The following THBS4 variants were observed in gnomAD, a reference collection of about 807,000 sequenced individuals.
THBS4 encodes the protein thrombospondin-4.
THBS4 carries 90 observed loss-of-function variants against 115.7 expected under a neutral mutation model. That is an observed-to-expected ratio of 0.78 (90% confidence interval 0.66 to 0.93). The LOEUF (loss-of-function observed/expected upper bound fraction) is 0.93. Among genes scored for constraint, THBS4 ranks in the 40% least tolerant of loss-of-function variants. THBS4 has a pLI of 0.00. For synonymous variants in THBS4, 460 were observed against 479.3 expected (o/e 0.96, Z 0.53); for missense variants, 1,087 against 1,232.7 (o/e 0.88, Z 1.77).
chr5:80,040,681 G>T (rs977607732), intron 2 of THBS4, among the ~76,000 whole-genome samples: 1 of 152,246 alleles, frequency 6.6e-6, no homozygotes, highest in Non-Finnish European at 1.5e-5. Flanking sequence ...GTTCTAGACA[G>T]TGGTAAGTCT....
intron 2 of THBS4, among the ~76,000 whole-genome samples, chr5:80,013,366 C>T (rs1446490594): frequency 1.3e-5 from 2 of 151,442 alleles, no homozygotes; most frequent in African/African-American, 4.9e-5. Flanking sequence ...CTCGAACTCC[C>T]GACCTCAGGT....
intron 2 of THBS4, among the ~76,000 whole-genome samples, chr5:80,022,595 C>T (rs1314372467): frequency 6.6e-6 from 1 of 152,174 alleles, no homozygotes; most frequent in East Asian, 1.9e-4. Context: ...GTTGTCTCAA[C>T]ACAAAAAGGT....
intron 2 of THBS4, among the ~76,000 whole-genome samples, chr5:80,020,094 T>C (rs1016935107): frequency 6.6e-6 from 1 of 152,256 alleles, no homozygotes; most frequent in Non-Finnish European, 1.5e-5. Context: ...AGTTGGATTC[T>C]AGAGCGAATG....
chr5:80,040,432 A>G (rs971605303), intron 2 of THBS4, 152 bp downstream of exon 2: 4 of 302,340 alleles, frequency 1.3e-5, no homozygotes, highest in Admixed American at 1.1e-4. Context: ...CTTACTGTAC[A>G]TTTACCTATA....
chr5:80,000,592 A>C (rs1196105769), intron 2 of THBS4, among the ~76,000 whole-genome samples: 2 of 152,168 alleles, frequency 1.3e-5, no homozygotes, highest in Non-Finnish European at 2.9e-5. Context: ...TGGGACAGTA[A>C]GGCTGTCATG....
intron 17 of THBS4, 114 bp downstream of exon 17, chr5:80,078,341 C>A: frequency 1.1e-6 from 1 of 882,786 alleles, no homozygotes; most frequent in Non-Finnish European, 1.6e-6. Context: ...TCTTCACATT[C>A]GCTCTTATTC....
At chr5:80,033,145 GA>G, upstream of THBS4, 1 of 363,224 alleles carries the variant, frequency 2.8e-6, no homozygotes, top group South Asian at 2.6e-5. Context: ...GTCATAAAAA[GA>G]AAAACTGGCA....
chr5:79,995,144 T>G (rs1477595710), intron 1 of THBS4, among the ~76,000 whole-genome samples: 4 of 152,200 alleles, frequency 2.6e-5, no homozygotes, highest in Admixed American at 2.6e-4. Flanking sequence ...GAACCAGAAT[T>G]GGAAGGCATG....
At chr5:80,079,336 T>C (rs1743376965) in intron 19 of THBS4, 78 bp downstream of exon 19, 1 of 1,439,970 alleles carries the variant, frequency 6.9e-7, no homozygotes, top group African/African-American at 1.4e-5. Flanking sequence ...TTTTCCCATG[T>C]GGTACTTAGT....
chr5:80,042,595 G>A lies in THBS4; in HGVS notation c.292+2315G>A, dbSNP rs920609642. 2.0e-5 allele frequency among the ~76,000 whole-genome samples: 3 copies of A among 152,302 alleles called. No homozygotes were observed. The East Asian group carries it at 5.8e-4, about 29-fold the overall frequency. ...GTTTGTATAGACAAGAGTAACACTGGATTTAATGGGCAGTAGGTAGAGGGT... is the reference window on the plus strand; with the variant it reads ...GTTTGTATAGACAAGAGTAACACTGAATTTAATGGGCAGTAGGTAGAGGGT... On this transcript the variant is annotated intron_variant, in intron 2 of 21. Transcript: ENST00000350881.
At chr5:80,067,365 T>TATTA (rs1334390454) in intron 9 of THBS4, 4 of 151,692 alleles carry the variant, frequency 2.6e-5, no homozygotes, top group African/African-American at 9.7e-5. Flanking sequence ...GTATAATATT[T>TATTA]ATTACATATA....
chr5:80,082,573 C>CAT (rs1743573012), intron 21 of THBS4, 28 bp downstream of exon 21: 4 of 1,612,012 alleles, frequency 2.5e-6, no homozygotes, highest in Non-Finnish European at 1.7e-6. Context: ...TACTGTTCAA[C>CAT]ATTGTTACTA....
chr5:80,060,792 T>C (rs1156512781), intron 7 of THBS4, among the ~76,000 whole-genome samples: 1 of 152,098 alleles, frequency 6.6e-6, no homozygotes, highest in Non-Finnish European at 1.5e-5. Flanking sequence ...CAATCACCAG[T>C]CCAGTTGCAA....
At chr5:80,029,291 C>T (rs1401552558) in intron 2 of THBS4, among the ~76,000 whole-genome samples, 5 of 152,080 alleles carry the variant, frequency 3.3e-5, no homozygotes, top group Admixed American at 1.3e-4. Flanking sequence ...ATTCCTGGCA[C>T]GATAATCATT....
chr5:80,002,745 GAA>G (rs56899578), intron 2 of THBS4, among the ~76,000 whole-genome samples: 62 of 100,384 alleles, frequency 6.2e-4, no homozygotes, highest in African/African-American at 1.3e-3. Flanking sequence ...CCAGAAGGGA[GAA>G]AAAAAAAAAA....
intron 2 of THBS4, among the ~76,000 whole-genome samples, chr5:80,013,477 A>G (rs757936564): frequency 6.6e-6 from 1 of 152,198 alleles, no homozygotes; most frequent in Non-Finnish European, 1.5e-5. Context: ...GGGTCTAGCC[A>G]GGATCCTGCA....
chr5:80,016,634 T>A (rs1448633616), intron 2 of THBS4, among the ~76,000 whole-genome samples: 1 of 152,202 alleles, frequency 6.6e-6, no homozygotes, highest in East Asian at 1.9e-4. Flanking sequence ...CACATATTAT[T>A]GTATTTAGGA....
chr5:80,045,839 T>G (rs1426246771), intron 2 of THBS4, among the ~76,000 whole-genome samples: 1 of 151,910 alleles, frequency 6.6e-6, no homozygotes, highest in African/African-American at 2.4e-5. Context: ...CCCTATGGAG[T>G]CTTTTTAATG....
intron 19 of THBS4, among the ~76,000 whole-genome samples, 188 bp from the exon 20 acceptor site, chr5:80,079,717 C>G (rs1398481148): frequency 6.6e-6 from 1 of 152,130 alleles, no homozygotes; most frequent in Admixed American, 6.5e-5. Flanking sequence ...GAATACTGGG[C>G]AAGGCTTAGT....
Sources: gnomAD v4.1 joint callset for allele counts (sites outside exome capture counted in the v4.1 genomes callset) on GRCh38, gnomAD v4.1.1 for gene constraint, MANE v1.5 for transcripts, NCBI Gene and HGNC (gene_info 2026-07-23, HGNC 2026-07-21) for gene names.